The following ZNF516 variants were observed in gnomAD, a reference collection of about 807,000 sequenced individuals.
The protein encoded by ZNF516 is zinc finger protein 516.
In ZNF516, 19 loss-of-function variants were observed where a neutral mutation model predicts 79.7. That is an observed-to-expected ratio of 0.24 (90% CI 0.17 to 0.35). The LOEUF (loss-of-function observed/expected upper bound fraction) is 0.35, where lower values mean the gene tolerates loss of function less well. ZNF516 is among the 10% of genes least tolerant of loss of function. ZNF516 has a pLI of 1.00. For synonymous variants in ZNF516, 877 were observed against 739.5 expected, an observed-to-expected ratio of 1.19 and a Z score of -3.02; for missense variants, 1,678 against 1,679.5, an observed-to-expected ratio of 1.00 and a Z score of 0.02.
intron 3 of ZNF516, chr18:76,385,655 G>A (rs1185839248): frequency 1.3e-5 from 2 of 152,178 alleles, no homozygotes; most frequent in Non-Finnish European, 2.9e-5. Flanking sequence ...AAATAAACAG[G>A]ACCCCAGGAG....
At position 76,441,948 on chromosome 18, in the gene ZNF516, G is replaced by A. The variant is rs369604123; in HGVS notation, c.1107C>T (p.Ala369=). The change falls in exon 3 of 7, where the codon GCC becomes GCT. Residue 369 remains alanine (A), a synonymous_variant. Coordinates refer to ENST00000443185, the MANE Select transcript of ZNF516 (RefSeq NM_014643.4). ...RVEASRTRAP[A]EEGAEGPSDT... ...CCGAGGGCCCCTCCGCCCCCTCCTC[G>A]GCCGGGGCGCGCGTGCGGCTGGCCT... 4 of 1,611,328 alleles carry A rather than the reference G, an allele frequency of 2.5e-6. No individual in the cohort carries two copies. Among genetic ancestry groups the A allele is most frequent in the South Asian group, 2.2e-5 (2 of 90,940 alleles).
intron 3 of ZNF516, among the ~76,000 whole-genome samples, chr18:76,404,946 G>A (rs201041457): frequency 2.0e-5 from 3 of 152,244 alleles, no homozygotes; most frequent in Admixed American, 6.5e-5. Context: ...CCTAAGCCAC[G>A]GTCGATGGTC....
Position 76,379,865 on chromosome 18 carries a change from G to A in ZNF516, c.2249C>T (p.Ala750Val). 2 of 1,613,912 alleles carry A rather than the reference G, an allele frequency of 1.2e-6. No individual in the cohort carries two copies. The highest frequency in any genetic ancestry group is 1.7e-6 in the Non-Finnish European group (2 of 1,179,880). Residue 750 changes from alanine (A) to valine (V), a missense_variant, in exon 4 of 7, where the codon GCC (alanine) becomes GTC (valine). Transcript: ENST00000443185. ...GACTAAAGCCGCCTGCAGGGAGGAGGCCGTCTCCTTATTGCTGGGGTCATC... is the reference window on the plus strand; with the variant it reads ...GACTAAAGCCGCCTGCAGGGAGGAGACCGTCTCCTTATTGCTGGGGTCATC... Reference protein sequence around the residue: ...TRDDPSNKETASSLQAALVVH... With the variant: ...TRDDPSNKETVSSLQAALVVH...
intron 1 of ZNF516, among the ~76,000 whole-genome samples, chr18:76,488,761 A>G (rs568805106): frequency 6.6e-6 from 1 of 152,384 alleles, no homozygotes; most frequent in East Asian, 1.9e-4. Flanking sequence ...ATCCATGTCT[A>G]TCACTGAGAA....
intron 3 of ZNF516, among the ~76,000 whole-genome samples, chr18:76,425,105 G>A (rs1024828744): frequency 2.6e-5 from 4 of 151,954 alleles, no homozygotes; most frequent in East Asian, 1.9e-4. Flanking sequence ...CCCCTGACTC[G>A]GAAGGGCCTT....
At chr18:76,473,681 G>T (rs1281867200) in intron 1 of ZNF516, among the ~76,000 whole-genome samples, 2 of 151,680 alleles carry the variant, frequency 1.3e-5, no homozygotes, top group African/African-American at 4.9e-5. Flanking sequence ...GGCGCCTGTA[G>T]TCCCAGCTAC....
intron 3 of ZNF516, among the ~76,000 whole-genome samples, chr18:76,406,633 A>G (rs2075307735): frequency 6.6e-6 from 1 of 152,170 alleles, no homozygotes; most frequent in Non-Finnish European, 1.5e-5. Context: ...CATCTCCCCT[A>G]AATCTCCCCT....
In ZNF516 at chr18:76,361,286, A is replaced by C. The variant is rs935985098; in HGVS notation, c.*1212T>G. The C allele has an allele frequency of 6.6e-6, 1 of 152,244 alleles. No homozygotes were observed. Among genetic ancestry groups the C allele is most frequent in the African/African-American group, 2.4e-5 (1 of 41,454 alleles). The allele number at this position is 152,244 out of a possible 1,614,324, so 9.4% of individuals were successfully genotyped here. On this transcript the variant is annotated 3_prime_UTR_variant, in exon 7 of 7. Coordinates refer to ENST00000443185, the MANE Select transcript of ZNF516 (RefSeq NM_014643.4). ...ATTTATATCTGTGGAATACCATTTC[A>C]ATTGCGTACACTGCATGGTTTAAGA...
chr18:76,474,164 A>C (rs1229941376), intron 1 of ZNF516, among the ~76,000 whole-genome samples: 4 of 152,252 alleles, frequency 2.6e-5, no homozygotes, highest in Non-Finnish European at 5.9e-5. Flanking sequence ...GATCTGGAAG[A>C]ATTGGCAAAT....
intron 2 of ZNF516, among the ~76,000 whole-genome samples, chr18:76,458,138 A>G (rs1912843438): frequency 6.6e-6 from 1 of 152,236 alleles, no homozygotes. Flanking sequence ...GTAGGTCCTC[A>G]GTTAACATCA....
At chr18:76,376,473 C>T (rs557793565) in intron 4 of ZNF516, among the ~76,000 whole-genome samples, 1 of 149,742 alleles carries the variant, frequency 6.7e-6, no homozygotes, top group Non-Finnish European at 1.5e-5. Flanking sequence ...AAGATGAGTG[C>T]ATGTACTTTG....
intron 1 of ZNF516, chr18:76,490,208 G>A (rs1330172499): frequency 6.1e-6 from 6 of 985,282 alleles, no homozygotes; most frequent in Non-Finnish European, 7.2e-6. Context: ...AATTAAAGAC[G>A]TCCTCCTACA....
At position 76,442,445 on chromosome 18, in the gene ZNF516, G is replaced by A; in HGVS notation, c.610C>T (p.Leu204=). The A allele has an allele frequency of 6.2e-7, 1 of 1,606,614 alleles. No individual in the cohort carries two copies. The highest frequency in any genetic ancestry group is 1.7e-4 in the Middle Eastern group (1 of 6,060). Reference sequence around the variant, plus strand: ...TCCCGCAGCGTCGCGTAGCTGCACAGCCTGCACTTGAACGGCTTGTGCGCC... The same window carrying A: ...TCCCGCAGCGTCGCGTAGCTGCACAACCTGCACTTGAACGGCTTGTGCGCC... ...HQAHKPFKCR[L]CSYATLREES... Residue 204 remains leucine (L), a synonymous_variant, in exon 3 of 7, where the codon CTG becomes TTG. Transcript: ENST00000443185.
chr18:76,391,066 G>A (rs2075065900), intron 3 of ZNF516, among the ~76,000 whole-genome samples: 1 of 152,116 alleles, frequency 6.6e-6, no homozygotes, highest in Admixed American at 6.5e-5. Context: ...GGCACAGCAG[G>A]TACGGAAGGT....
At chr18:76,461,643 T>TAC (rs1157596691) in intron 2 of ZNF516, among the ~76,000 whole-genome samples, 1 of 152,164 alleles carries the variant, frequency 6.6e-6, no homozygotes, top group Non-Finnish European at 1.5e-5. Flanking sequence ...TCAGAAAACA[T>TAC]ACATCGGGTG....
intron 3 of ZNF516, among the ~76,000 whole-genome samples, chr18:76,403,615 G>A (rs2075260712): frequency 1.3e-5 from 2 of 152,148 alleles, no homozygotes; most frequent in African/African-American, 4.8e-5. Context: ...ACAAGATCTA[G>A]AGTTTCACAC....
intron 3 of ZNF516, among the ~76,000 whole-genome samples, chr18:76,392,034 G>A (rs180833772): frequency 9.2e-5 from 14 of 152,324 alleles, no homozygotes; most frequent in East Asian, 5.8e-4. Context: ...CCTGGCTTCC[G>A]GGGAGCACAC....
intron 3 of ZNF516, among the ~76,000 whole-genome samples, chr18:76,399,191 G>GGCATTTATCCAACAA (rs1406181360): frequency 6.6e-6 from 1 of 152,152 alleles, no homozygotes; most frequent in African/African-American, 2.4e-5. Flanking sequence ...TTCAACAACA[G>GGCATTTATCCAACAA]GCATTTATCT....
At chr18:76,496,374 G>A (rs528337850), upstream of ZNF516, 242 of 1,289,716 alleles carry the variant, frequency 1.9e-4, 3 homozygotes, top group South Asian at 2.9e-3. Context: ...GTAGCAATCA[G>A]CGCTGCAATC....
Sources: gnomAD v4.1 joint callset for allele counts (sites outside exome capture counted in the v4.1 genomes callset) on GRCh38, gnomAD v4.1.1 for gene constraint, MANE v1.5 for transcripts, NCBI Gene and HGNC (gene_info 2026-07-23, HGNC 2026-07-21) for gene names.